The following VEZT variants were observed in gnomAD, a reference collection of about 807,000 sequenced individuals.
VEZT encodes the protein vezatin, adherens junctions transmembrane protein.
Under a neutral mutation model 79.9 loss-of-function variants are expected in VEZT, and 39 were observed. That is an observed-to-expected ratio of 0.49 (90% CI 0.38 to 0.64). The LOEUF (loss-of-function observed/expected upper bound fraction) is 0.64, where lower values mean the gene tolerates loss of function less well. Among genes scored for constraint, VEZT ranks in the 30% least tolerant of loss-of-function variants. The pLI is 0.00. For synonymous variants in VEZT, 325 were observed against 327.6 expected (o/e 0.99, Z 0.09); for missense variants, 837 against 893.1 (o/e 0.94, Z 0.80).
chr12:95,255,701 G>C (rs2063353153), intron 2 of VEZT, among the ~76,000 whole-genome samples: 1 of 152,164 alleles, frequency 6.6e-6, no homozygotes, highest in South Asian at 2.1e-4. Context: ...AAAGTGCTGG[G>C]ATTACAGGCG....
chr12:95,230,926 G>T (rs1318242407), intron 1 of VEZT, among the ~76,000 whole-genome samples: 1 of 152,150 alleles, frequency 6.6e-6, no homozygotes, highest in Non-Finnish European at 1.5e-5. Context: ...TTGCTTTTTA[G>T]TCAATAGAGT....
Position 95,301,310 on chromosome 12 carries a change from G to T in VEZT, c.*637G>T, listed in dbSNP as rs1355465118. On this transcript the variant is annotated 3_prime_UTR_variant, in exon 12 of 12. Transcript: ENST00000436874. Reference sequence around the variant, plus strand: ...TAGTGATCTTTAAAAGAAAAATATTGTACCATTTTTTAGAATTACACTTTC... The same window carrying T: ...TAGTGATCTTTAAAAGAAAAATATTTTACCATTTTTTAGAATTACACTTTC... The T allele has an allele frequency of 1.3e-5, 2 of 152,048 alleles. No homozygotes were observed. The highest frequency in any genetic ancestry group is 2.9e-5 in the Non-Finnish European group (2 of 67,996). The allele number at this position is 152,048 out of a possible 1,614,324, so 9.4% of individuals were successfully genotyped here.
intron 1 of VEZT, among the ~76,000 whole-genome samples, chr12:95,228,557 C>G (rs980045966): frequency 1.6e-4 from 25 of 151,782 alleles, no homozygotes; most frequent in African/African-American, 5.8e-4. Context: ...AAACATAAAG[C>G]CCTAAATTGT....
At chr12:95,237,310 T>TA (rs75016277) in intron 1 of VEZT, among the ~76,000 whole-genome samples, 48 of 149,374 alleles carry the variant, frequency 3.2e-4, no homozygotes, top group African/African-American at 7.8e-4. Flanking sequence ...GGCTTGTACA[T>TA]AAAAAAAAAA....
intron 7 of VEZT, among the ~76,000 whole-genome samples, chr12:95,279,438 C>T (rs1419859848): frequency 6.6e-6 from 1 of 152,168 alleles, no homozygotes; most frequent in Non-Finnish European, 1.5e-5. Context: ...TAAATGCACA[C>T]ATTGTGAAAT....
intron 1 of VEZT, among the ~76,000 whole-genome samples, chr12:95,225,000 G>C (rs1350565214): frequency 6.6e-6 from 1 of 152,182 alleles, no homozygotes; most frequent in Non-Finnish European, 1.5e-5. Context: ...ACAGGAGGCG[G>C]AGCTCTGATA....
intron 5 of VEZT, 100 bp from the exon 6 acceptor site, chr12:95,269,951 T>A: frequency 6.5e-6 from 9 of 1,390,852 alleles, no homozygotes; most frequent in Non-Finnish European, 8.8e-6. Flanking sequence ...GAAAGAGGAA[T>A]TTGTTTTCTA....
At chr12:95,295,917 C>A in intron 10 of VEZT, 134 bp from the exon 11 acceptor site, 1 of 647,314 alleles carries the variant, frequency 1.5e-6, no homozygotes, top group Non-Finnish European at 2.5e-6. Flanking sequence ...CTTTTCCTAG[C>A]TCTGCTTTAA....
At chr12:95,252,742 A>C (rs1266433392) in intron 2 of VEZT, among the ~76,000 whole-genome samples, 1 of 152,228 alleles carries the variant, frequency 6.6e-6, no homozygotes, top group Non-Finnish European at 1.5e-5. Context: ...AGGCGAGTGG[A>C]TCACCTGAGG....
At chr12:95,250,281 TA>T (rs371240418) in intron 1 of VEZT, among the ~76,000 whole-genome samples, 52 of 139,686 alleles carry the variant, frequency 3.7e-4, no homozygotes, top group East Asian at 1.4e-3. Context: ...CAAGATTTAT[TA>T]TTTTTTTTTT....
intron 1 of VEZT, among the ~76,000 whole-genome samples, chr12:95,245,198 C>A (rs969380991): frequency 6.6e-6 from 1 of 152,118 alleles, no homozygotes; most frequent in East Asian, 1.9e-4. Context: ...CGTGCCACTG[C>A]ACTCCAGCCT....
rs2067316181 is a variant in VEZT, at chr12:95,274,852, A to G, written c.959A>G (p.His320Arg). The part of the protein sequence containing the change: ...SEEQISEEEA[H>R]NFTDGFSLPA... The stretch of plus-strand genomic sequence containing the variant: ...GAGCAGATTTCAGAAGAGGAAGCAC[A>G]TAACTTTACAGATGGCTTCAGCCTG... The change falls in exon 7 of 12, where the codon CAT (histidine) becomes CGT (arginine). Residue 320 changes from histidine (H) to arginine (R), a missense_variant. His to Arg is a conservative substitution (Grantham distance 29, BLOSUM62 0). Coordinates refer to ENST00000436874, the MANE Select transcript of VEZT (RefSeq NM_017599.4). 1.9e-6 allele frequency: 3 copies of G among 1,613,808 alleles called. No individual in the cohort carries two copies. Among genetic ancestry groups the G allele is most frequent in the Non-Finnish European group, 2.5e-6 (3 of 1,179,844 alleles).
chr12:95,283,115 A>G (rs1287277202), intron 8 of VEZT, among the ~76,000 whole-genome samples: 1 of 152,174 alleles, frequency 6.6e-6, no homozygotes, highest in Non-Finnish European at 1.5e-5. Flanking sequence ...TTTTTGTATC[A>G]CAGGACAAGC....
intron 1 of VEZT, among the ~76,000 whole-genome samples, chr12:95,234,393 G>A (rs934954852): frequency 6.6e-6 from 1 of 150,856 alleles, no homozygotes; most frequent in Non-Finnish European, 1.5e-5. Flanking sequence ...GGGTTCAAGC[G>A]ATTCTCCTGC....
Position 95,300,427 on chromosome 12 carries a change from T to C in VEZT, c.2094T>C (p.Asp698=), listed in dbSNP as rs749062844. The C allele has an allele frequency of 6.2e-7, 1 of 1,613,968 alleles. No individual in the cohort carries two copies. Among genetic ancestry groups the C allele is most frequent in the Admixed American group, 1.7e-5 (1 of 60,012 alleles). ...ERMCYQCESE[D]EPQADGSGLT... The stretch of plus-strand genomic sequence containing the variant: ...TGTGTTACCAATGTGAGAGTGAAGA[T>C]GAACCACAAGCAGATGGAAGTGGTC... The change falls in exon 12 of 12, where the codon GAT becomes GAC. Residue 698 remains aspartate (D), a synonymous_variant. Coordinates refer to ENST00000436874, the MANE Select transcript of VEZT (RefSeq NM_017599.4).
intron 1 of VEZT, among the ~76,000 whole-genome samples, chr12:95,226,930 T>C (rs1379529765): frequency 1.3e-5 from 1 of 78,194 alleles, no homozygotes; most frequent in Non-Finnish European, 2.3e-5. Context: ...CATTCTACTC[T>C]AAGAGGCTGA....
chr12:95,233,381 T>A (rs1232155859), intron 1 of VEZT, among the ~76,000 whole-genome samples: 1 of 152,050 alleles, frequency 6.6e-6, no homozygotes, highest in Non-Finnish European at 1.5e-5. Flanking sequence ...TATTTTCTTT[T>A]TTAAATTATT....
At chr12:95,280,287 A>T (rs1321714114) in intron 7 of VEZT, among the ~76,000 whole-genome samples, 1 of 151,974 alleles carries the variant, frequency 6.6e-6, no homozygotes, top group Non-Finnish European at 1.5e-5. Flanking sequence ...TGTTCCATAG[A>T]TCTACCCTGT....
At chr12:95,247,347 C>T (rs986770535) in intron 1 of VEZT, among the ~76,000 whole-genome samples, 17 of 152,106 alleles carry the variant, frequency 1.1e-4, no homozygotes, top group Non-Finnish European at 4.4e-5. Context: ...GTATACTTCA[C>T]CCAAAACAAT....
Sources: gnomAD v4.1 joint callset for allele counts (sites outside exome capture counted in the v4.1 genomes callset) on GRCh38, gnomAD v4.1.1 for gene constraint, MANE v1.5 for transcripts, NCBI Gene and HGNC (gene_info 2026-07-23, HGNC 2026-07-21) for gene names.